Variants in SVOP observed in about 807,000 individuals in gnomAD.
SVOP encodes the protein synaptic vesicle 2-related protein.
Under a neutral mutation model 69.1 loss-of-function variants are expected in SVOP, and 17 were observed. That is an observed-to-expected ratio of 0.25 (90% confidence interval 0.17 to 0.37). SVOP has a LOEUF of 0.37. Among genes scored for constraint, SVOP ranks in the 10% least tolerant of loss-of-function variants. The pLI is 1.00. For synonymous variants in SVOP, 238 were observed against 238.6 expected (o/e 1.00, Z 0.02); for missense variants, 435 against 597.5 (o/e 0.73, Z 2.84).
intron 1 of SVOP, among the ~76,000 whole-genome samples, chr12:108,988,033 C>G (rs1252788277): frequency 2.6e-5 from 4 of 152,060 alleles, no homozygotes; most frequent in Non-Finnish European, 4.4e-5. Context: ...GTGCTCCTCC[C>G]ACCTCAGCCT....
intron 11 of SVOP, among the ~76,000 whole-genome samples, chr12:108,924,266 G>C (rs1593178209): frequency 6.6e-6 from 1 of 152,140 alleles, no homozygotes; most frequent in African/African-American, 2.4e-5. Context: ...ATAAATTTCT[G>C]TTGTTTCTAA....
chr12:108,982,846 C>T lies in SVOP; in HGVS notation c.196+755G>A, dbSNP rs1015447880. ...TCATCATCACTGTCACCATCATCAT[C>T]ATCACTATCATCACCACCATCATCA... On this transcript the variant is annotated intron_variant, in intron 2 of 15. Coordinates refer to ENST00000610966, the MANE Select transcript of SVOP (RefSeq NM_018711.5). Among the ~76,000 whole-genome samples, 545 of 144,876 alleles carry T rather than the reference C, an allele frequency of 3.8e-3. 15 individuals carry two copies. Among genetic ancestry groups the T allele is most frequent in the African/African-American group, 0.013 (518 of 38,706 alleles).
intron 5 of SVOP, among the ~76,000 whole-genome samples, chr12:108,970,677 C>T (rs1049797247): frequency 1.6e-4 from 25 of 152,080 alleles, no homozygotes; most frequent in African/African-American, 5.8e-4. Flanking sequence ...ATGCTACACT[C>T]GGAATTTCAG....
Position 108,912,147 on chromosome 12 carries a change from T to TCAG in SVOP, c.*387_*388insCTG, listed in dbSNP as rs202036968. The stretch of plus-strand genomic sequence containing the variant: ...AGGTCCGGTGGGTGGACAGCAGGTG[T>TCAG]CACATGGGCCTGAGCCTGGACGGTA... On this transcript the variant is annotated 3_prime_UTR_variant, in exon 16 of 16. Coordinates refer to ENST00000610966, the MANE Select transcript of SVOP (RefSeq NM_018711.5). 30,638 of 1,044,556 alleles carry TCAG rather than the reference T, an allele frequency of 0.029. 523 individuals carry two copies. The highest frequency in any genetic ancestry group is 0.032 in the Non-Finnish European group (28,072 of 865,622). The allele number at this position is 1,044,556 out of a possible 1,614,324, so 64.7% of individuals were successfully genotyped here.
chr12:108,958,742 C>G (rs1435035014), intron 6 of SVOP, among the ~76,000 whole-genome samples: 2 of 152,076 alleles, frequency 1.3e-5, no homozygotes, highest in Non-Finnish European at 2.9e-5. Flanking sequence ...GTTGCCTTGG[C>G]CAAAAGTAGC....
intron 1 of SVOP, among the ~76,000 whole-genome samples, chr12:109,010,792 G>A (rs930233349): frequency 6.6e-6 from 1 of 152,128 alleles, no homozygotes; most frequent in African/African-American, 2.4e-5. Flanking sequence ...AACGGCCATT[G>A]CACCTGGCCC....
chr12:108,940,569 C>T (rs1055989276), intron 8 of SVOP, among the ~76,000 whole-genome samples: 2 of 152,272 alleles, frequency 1.3e-5, no homozygotes, highest in East Asian at 1.9e-4. Context: ...CCAGTTATCT[C>T]CCCAGAAAAC....
chr12:108,982,903 C>T (rs1292298274), intron 2 of SVOP, among the ~76,000 whole-genome samples: 1 of 128,206 alleles, frequency 7.8e-6, no homozygotes, highest in African/African-American at 3.2e-5. Context: ...TCATCATTGC[C>T]ATCCTTATCA....
chr12:108,966,460 G>T (rs928962069), intron 5 of SVOP, among the ~76,000 whole-genome samples: 1 of 151,934 alleles, frequency 6.6e-6, no homozygotes, highest in African/African-American at 2.4e-5. Context: ...AATATCATGC[G>T]GTGAACGCCC....
At chr12:108,958,213 A>G (rs1281480921) in intron 6 of SVOP, among the ~76,000 whole-genome samples, 1 of 151,954 alleles carries the variant, frequency 6.6e-6, no homozygotes, top group African/African-American at 2.4e-5. Flanking sequence ...TATGTTGCCC[A>G]GGCTGATCTC....
intron 5 of SVOP, among the ~76,000 whole-genome samples, chr12:108,962,880 G>T (rs1039745810): frequency 9.2e-5 from 14 of 151,886 alleles, no homozygotes; most frequent in Non-Finnish European, 1.9e-4. Context: ...CAGGAGAATT[G>T]CTTGAACCTG....
intron 1 of SVOP, among the ~76,000 whole-genome samples, chr12:108,997,485 T>G (rs1453931816): frequency 6.6e-6 from 1 of 152,120 alleles, no homozygotes; most frequent in East Asian, 1.9e-4. Flanking sequence ...TGCCTGCCTC[T>G]GTAGGCTCCA....
chr12:109,015,123 T>C (rs1374559741), intron 1 of SVOP, among the ~76,000 whole-genome samples: 2 of 152,040 alleles, frequency 1.3e-5, no homozygotes, highest in Non-Finnish European at 2.9e-5. Flanking sequence ...GAGAAGGTGG[T>C]ATTTGAGACT....
chr12:108,921,318 G>A (rs988960970), intron 12 of SVOP, among the ~76,000 whole-genome samples: 29 of 152,196 alleles, frequency 1.9e-4, no homozygotes, highest in African/African-American at 7.0e-4. Context: ...TGGCAGCACA[G>A]GTCTTAGCGC....
intron 7 of SVOP, among the ~76,000 whole-genome samples, chr12:108,944,479 T>C (rs2039911394): frequency 6.6e-6 from 1 of 152,182 alleles, no homozygotes; most frequent in African/African-American, 2.4e-5. Flanking sequence ...AGTGGGTTCA[T>C]AGTCATCACT....
intron 1 of SVOP, among the ~76,000 whole-genome samples, chr12:109,012,260 G>A (rs2040346112): frequency 6.6e-6 from 1 of 151,626 alleles, no homozygotes; most frequent in Non-Finnish European, 1.5e-5. Context: ...TCCAGCCTGA[G>A]CAACAGAGCG....
In SVOP at chr12:109,001,330, C is replaced by T. The variant is rs1467795685; in HGVS notation, c.36-17569G>A. Among the ~76,000 whole-genome samples the T allele has an allele frequency of 3.4e-5, 5 of 148,948 alleles. No individual in the cohort carries two copies. In the East Asian group the frequency reaches 9.9e-4, roughly 29 times the overall value. On this transcript the variant is annotated intron_variant, in intron 1 of 15. Transcript: ENST00000610966. The stretch of plus-strand genomic sequence containing the variant: ...AAGAGGATACAAACAAATGGAAGAA[C>T]ATTCCATGCTCATGGGTAGGAAGAA...
intron 11 of SVOP, among the ~76,000 whole-genome samples, chr12:108,929,340 G>T (rs1024643132): frequency 2.0e-5 from 3 of 152,068 alleles, no homozygotes; most frequent in Admixed American, 6.6e-5. Flanking sequence ...TATATTTTTA[G>T]AGACAGGGCC....
intron 1 of SVOP, among the ~76,000 whole-genome samples, chr12:109,007,862 A>G (rs933604751): frequency 1.3e-5 from 2 of 152,122 alleles, no homozygotes; most frequent in Non-Finnish European, 2.9e-5. Flanking sequence ...ACATGGCAAG[A>G]CCATGTCTCT....
Sources: allele counts gnomAD v4.1 joint callset (sites outside exome capture counted in the v4.1 genomes callset), GRCh38; gene constraint gnomAD v4.1.1; transcripts MANE v1.5; gene names NCBI Gene and HGNC (gene_info 2026-07-23, HGNC 2026-07-21).